IQGAP1: variants seen among roughly 807,000 people sequenced by gnomAD.
IQGAP1 encodes IQ motif containing GTPase activating protein 1, also known as ras GTPase-activating-like protein IQGAP1.
In IQGAP1, 66 loss-of-function variants were observed where a neutral mutation model predicts 215.6. The observed-to-expected ratio is 0.31, with a 90% CI of 0.25 to 0.38. The LOEUF (loss-of-function observed/expected upper bound fraction) is 0.38. Among genes scored for constraint, IQGAP1 ranks in the 10% least tolerant of loss-of-function variants. IQGAP1 has a pLI of 1.00. For synonymous variants in IQGAP1, 772 were observed against 728.7 expected (o/e 1.06, Z -0.96); for missense variants, 1,712 against 1,997.1 (o/e 0.86, Z 2.72).
At chr15:90,413,238 A>G (rs1479903622) in intron 2 of IQGAP1, among the ~76,000 whole-genome samples, 1 of 152,206 alleles carries the variant, frequency 6.6e-6, no homozygotes, top group Non-Finnish European at 1.5e-5. Flanking sequence ...TCATGTGTAC[A>G]TACACATATA....
intron 3 of IQGAP1, among the ~76,000 whole-genome samples, chr15:90,427,902 A>G (rs947829819): frequency 1.3e-5 from 2 of 152,238 alleles, no homozygotes; most frequent in African/African-American, 2.4e-5. Flanking sequence ...GCCCAAACTC[A>G]GAATGAGTAA....
intron 8 of IQGAP1, among the ~76,000 whole-genome samples, chr15:90,442,337 T>C (rs1292846162): frequency 6.6e-6 from 1 of 151,554 alleles, no homozygotes; most frequent in Non-Finnish European, 1.5e-5. Context: ...GCTCCTGTAA[T>C]CCCAGGTACT....
chr15:90,453,354 G>A lies in IQGAP1; in HGVS notation c.1487+62G>A, dbSNP rs192168444. On this transcript the variant is annotated intron_variant, in intron 13 of 37. Transcript: ENST00000268182. ...TAGCTGTTAACCCTGTCTTTTGTATGTCAGTGCTCCGATTTTCTTTGCAGG... is the reference window on the plus strand; with the variant it reads ...TAGCTGTTAACCCTGTCTTTTGTATATCAGTGCTCCGATTTTCTTTGCAGG... 90 of 1,291,056 alleles carry A rather than the reference G, an allele frequency of 7.0e-5. No homozygotes were observed. The African/African-American group carries it at 1.3e-3, about 18-fold the overall frequency. 80.0% of individuals were successfully genotyped at this position (1,291,056 alleles called of 1,614,324 possible).
intron 17 of IQGAP1, 115 bp from the exon 18 acceptor site, chr15:90,467,335 T>G (rs1965845651): frequency 9.7e-7 from 1 of 1,030,940 alleles, no homozygotes; most frequent in Non-Finnish European, 1.4e-6. Flanking sequence ...AAGGAGCAGC[T>G]TTTGGAGTGG....
chr15:90,393,288 G>A (rs1475945459), intron 2 of IQGAP1, among the ~76,000 whole-genome samples: 1 of 151,956 alleles, frequency 6.6e-6, no homozygotes, highest in Non-Finnish European at 1.5e-5. Context: ...CATAGTATTT[G>A]CATATAACCT....
At chr15:90,401,947 C>G (rs1457008457) in intron 2 of IQGAP1, among the ~76,000 whole-genome samples, 1 of 151,944 alleles carries the variant, frequency 6.6e-6, no homozygotes, top group Admixed American at 6.5e-5. Flanking sequence ...AACACTTTTC[C>G]CAAGGTCATA....
chr15:90,400,423 A>G (rs983785526), intron 2 of IQGAP1, among the ~76,000 whole-genome samples: 1 of 152,136 alleles, frequency 6.6e-6, no homozygotes, highest in Non-Finnish European at 1.5e-5. Context: ...CATTCTTGTT[A>G]ATAGCTTAAA....
chr15:90,405,413 C>G (rs1271886855), intron 2 of IQGAP1, among the ~76,000 whole-genome samples: 1 of 152,178 alleles, frequency 6.6e-6, no homozygotes, highest in African/African-American at 2.4e-5. Flanking sequence ...GAATTAACAG[C>G]TTTGACATAA....
intron 2 of IQGAP1, among the ~76,000 whole-genome samples, chr15:90,397,111 C>G (rs919837724): frequency 1.3e-5 from 2 of 152,242 alleles, no homozygotes; most frequent in South Asian, 2.1e-4. Context: ...CCTCGGCCCC[C>G]GCAAAGTGCT....
At position 90,466,708 on chromosome 15, in the gene IQGAP1, T is replaced by C. The variant is rs779992101; in HGVS notation, c.2035+272T>C. On this transcript the variant is annotated intron_variant, in intron 17 of 37. Transcript: ENST00000268182. ...ATCTTTCACAGAGTAGCAGTAGCTCTGATTAAGCCTATAGGCAATTAAAAG... is the reference window on the plus strand; with the variant it reads ...ATCTTTCACAGAGTAGCAGTAGCTCCGATTAAGCCTATAGGCAATTAAAAG... 2.6e-5 allele frequency among the ~76,000 whole-genome samples: 4 copies of C among 151,892 alleles called. No individual in the cohort carries two copies. The East Asian group carries it at 7.7e-4, about 29-fold the overall frequency.
intron 3 of IQGAP1, among the ~76,000 whole-genome samples, chr15:90,427,551 C>A (rs1189853090): frequency 6.6e-6 from 1 of 152,042 alleles, no homozygotes. Context: ...ACAAACCCGG[C>A]CAACTTGGTG....
At chr15:90,395,794 CAG>C (rs1964710535) in intron 2 of IQGAP1, among the ~76,000 whole-genome samples, 1 of 152,140 alleles carries the variant, frequency 6.6e-6, no homozygotes, top group Non-Finnish European at 1.5e-5. Flanking sequence ...CAGGACAGAA[CAG>C]GGAATTCTGC....
At chr15:90,464,500 G>C (rs1307032146) in intron 15 of IQGAP1, among the ~76,000 whole-genome samples, 1 of 151,986 alleles carries the variant, frequency 6.6e-6, no homozygotes, top group Non-Finnish European at 1.5e-5. Flanking sequence ...TGACTACCTG[G>C]GGCTAATCCA....
At chr15:90,474,955 A>C in intron 23 of IQGAP1, 1 of 408,034 alleles carries the variant, frequency 2.5e-6, no homozygotes, top group Non-Finnish European at 4.5e-6. Context: ...GATTACAGGC[A>C]CGTGACACTA....
intron 16 of IQGAP1, 34 bp downstream of exon 16, chr15:90,466,125 G>C: frequency 6.2e-7 from 1 of 1,605,074 alleles, no homozygotes; most frequent in African/African-American, 1.3e-5. Context: ...TGTTTTGGTG[G>C]AGGCTGGGGT....
At position 90,452,920 on chromosome 15, in the gene IQGAP1, G is replaced by T; in HGVS notation, c.1308G>T (p.Leu436=). 1 of 1,613,948 alleles carries T rather than the reference G, an allele frequency of 6.2e-7. No homozygotes were observed. Among genetic ancestry groups the T allele is most frequent in the Non-Finnish European group, 8.5e-7 (1 of 1,179,998 alleles). ...TCTATCAGAAGGAGCTGGCTACCCT[G>T]CAGCGACAAAGTCCTGAAGTGAGTT... ...ADLYQKELAT[L]QRQSPEHNLT... The change falls in exon 12 of 38, where the codon CTG becomes CTT. Residue 436 remains leucine, a synonymous_variant. Transcript: ENST00000268182.
At chr15:90,466,487 TGAGGG>T in intron 17 of IQGAP1, 51 bp downstream of exon 17, 7 of 1,563,068 alleles carry the variant, frequency 4.5e-6, no homozygotes, top group Non-Finnish European at 6.2e-6. Flanking sequence ...CTTGAGTATA[TGAGGG>T]GACAGATGTA....
chr15:90,473,781 A>G lies in IQGAP1; in HGVS notation c.2416A>G (p.Lys806Glu), dbSNP rs1476679011. The change falls in exon 20 of 38, where the codon AAA (lysine) becomes GAA (glutamate). Residue 806 changes from lysine (K) to glutamate (E), a missense_variant. By Grantham distance (56) the Lys-to-Glu change is moderately conservative. Around this residue, in one of 2 missense-constraint regions of IQGAP1, gnomAD observed 1,021 missense variants for 1,074.2 expected, o/e 0.95. Transcript: ENST00000268182. ...TCGGTTAGCTTACCTGCGCTCCCAC[A>G]AAGATGAAGTTGTAAAGGTATGGTA... ...QDRLAYLRSHKDEVVKIQSLA... is the reference protein window; with the variant it reads ...QDRLAYLRSHEDEVVKIQSLA... The G allele has an allele frequency of 1.2e-6, 2 of 1,612,834 alleles. No individual in the cohort carries two copies. Among genetic ancestry groups the G allele is most frequent in the Admixed American group, 3.3e-5 (2 of 59,852 alleles).
intron 1 of IQGAP1, among the ~76,000 whole-genome samples, chr15:90,390,384 C>T (rs1207353595): frequency 6.6e-6 from 1 of 152,136 alleles, no homozygotes; most frequent in African/African-American, 2.4e-5. Context: ...TAAAATGCTT[C>T]GTACAATTAC....
Sources: gnomAD v4.1 joint callset for allele counts (sites outside exome capture counted in the v4.1 genomes callset) on GRCh38, gnomAD v4.1.1 for gene constraint, gnomAD v4.1.1 regional missense constraint, MANE v1.5 for transcripts, NCBI Gene and HGNC (gene_info 2026-07-23, HGNC 2026-07-21) for gene names.